Variants in SGCG observed in about 807,000 individuals in gnomAD.
The protein encoded by SGCG is sarcoglycan gamma.
In SGCG, 26 loss-of-function variants were observed where a neutral mutation model predicts 29.3. That is an observed-to-expected ratio of 0.89 (90% CI 0.65 to 1.23). The LOEUF (loss-of-function observed/expected upper bound fraction) is 1.23, where lower values mean the gene tolerates loss of function less well. SGCG is among the 50% of genes most tolerant of loss of function. The pLI is 0.00. For missense variants in SGCG, 353 were observed against 356.0 expected (o/e 0.99, Z 0.07); for synonymous variants, 145 against 129.7 (o/e 1.12, Z -0.80).
chr13:23,250,501 T>G, intron 3 of SGCG, 129 bp from the exon 4 acceptor site: 1 of 651,216 alleles, frequency 1.5e-6, no homozygotes, highest in Admixed American at 2.4e-5. Flanking sequence ...AGCCACAAAT[T>G]TATAGGATTT....
rs909547644 is a variant in SGCG, at chr13:23,295,524, G to A, written c.578+37G>A. On this transcript the variant is annotated intron_variant, in intron 6 of 7. Coordinates refer to ENST00000218867, the MANE Select transcript of SGCG (RefSeq NM_000231.3). The stretch of plus-strand genomic sequence containing the variant: ...TGTTCAAATATTAACAACCTCTCCT[G>A]TAGAAGACAAGAGGGTATGTGCTGG... 5 of 1,390,656 alleles carry A rather than the reference G, an allele frequency of 3.6e-6. No individual in the cohort carries two copies. In the African/African-American group the frequency reaches 4.3e-5, roughly 12 times the overall value. The allele number at this position is 1,390,656 out of a possible 1,614,324, so 86.1% of individuals were successfully genotyped here.
intron 5 of SGCG, among the ~76,000 whole-genome samples, chr13:23,286,624 A>G (rs1881507108): frequency 6.6e-6 from 1 of 152,204 alleles, no homozygotes; most frequent in Admixed American, 6.5e-5. Flanking sequence ...ATACATACAT[A>G]CTGTGATAAA....
At chr13:23,229,306 A>G (rs1879019956) in intron 2 of SGCG, among the ~76,000 whole-genome samples, 1 of 152,208 alleles carries the variant, frequency 6.6e-6, no homozygotes, top group African/African-American at 2.4e-5. Context: ...TTCTTTGGGT[A>G]TATATCCAGT....
At position 23,250,215 on chromosome 13, in the gene SGCG, TA is replaced by T. The variant is rs570859371; in HGVS notation, c.298-410del. Among the ~76,000 whole-genome samples, 9 of 152,308 alleles carry T rather than the reference TA, an allele frequency of 5.9e-5. No homozygotes were observed. The East Asian group carries it at 1.7e-3, about 29-fold the overall frequency. ...TTGATAAAGTTTACTTTACACATTATAAAAACACAAATGTATTACAAAAATA... is the reference window on the plus strand; with the variant it reads ...TTGATAAAGTTTACTTTACACATTATAAAACACAAATGTATTACAAAAATA... On this transcript the variant is annotated intron_variant, in intron 3 of 7. Transcript: ENST00000218867.
chr13:23,190,491 G>A (rs535631524), intron 1 of SGCG, among the ~76,000 whole-genome samples: 32 of 152,224 alleles, frequency 2.1e-4, no homozygotes, highest in African/African-American at 7.0e-4. Flanking sequence ...GAGCTTTGGG[G>A]ATAAATTTTA....
At chr13:23,281,293 T>C (rs1307238447) in intron 5 of SGCG, among the ~76,000 whole-genome samples, 1 of 151,778 alleles carries the variant, frequency 6.6e-6, no homozygotes, top group African/African-American at 2.4e-5. Flanking sequence ...TGAGCAGAGA[T>C]TGAGCCACTG....
At chr13:23,257,224 C>T (rs1880226744) in intron 4 of SGCG, among the ~76,000 whole-genome samples, 1 of 151,588 alleles carries the variant, frequency 6.6e-6, no homozygotes, top group African/African-American at 2.4e-5. Context: ...TTTTGATTCG[C>T]TTCTTATAAA....
intron 2 of SGCG, 112 bp downstream of exon 2, chr13:23,204,001 G>C: frequency 1.2e-6 from 1 of 838,974 alleles, no homozygotes; most frequent in Non-Finnish European, 2.0e-6. Context: ...TTTCTTTGCT[G>C]TCTGGCTCTG....
Position 23,311,166 on chromosome 13 carries a change from C to T in SGCG, c.579-9471C>T, listed in dbSNP as rs760847043. ...TATCTAGGCTGACAATAATTTTACACGAGTATTTTAAAATATATTACTCAT... is the reference window on the plus strand; with the variant it reads ...TATCTAGGCTGACAATAATTTTACATGAGTATTTTAAAATATATTACTCAT... On this transcript the variant is annotated intron_variant, in intron 6 of 7. Coordinates refer to ENST00000218867, the MANE Select transcript of SGCG (RefSeq NM_000231.3). 1.7e-4 allele frequency among the ~76,000 whole-genome samples: 26 copies of T among 152,278 alleles called. 1 individual carries two copies. Among genetic ancestry groups the T allele is most frequent in the South Asian group, 4.1e-4 (2 of 4,830 alleles).
intron 3 of SGCG, among the ~76,000 whole-genome samples, chr13:23,238,976 G>C (rs1357097725): frequency 2.0e-5 from 3 of 152,054 alleles, no homozygotes; most frequent in Non-Finnish European, 4.4e-5. Flanking sequence ...TAACTAGAGG[G>C]ACAATGTCAA....
At chr13:23,166,838 G>A in the SGCG span, among the ~76,000 whole-genome samples, 1 of 152,254 alleles carries the variant, frequency 6.6e-6, no homozygotes, top group South Asian at 2.1e-4. Context: ...TTTGATACAG[G>A]CATGCCATGT....
intron 2 of SGCG, among the ~76,000 whole-genome samples, chr13:23,230,697 G>A (rs912687585): frequency 1.3e-5 from 2 of 152,134 alleles, no homozygotes; most frequent in African/African-American, 2.4e-5. Flanking sequence ...GAGACTATGG[G>A]TTATTCTCAA....
chr13:23,313,623 C>T (rs1454109640), intron 6 of SGCG, among the ~76,000 whole-genome samples: 3 of 152,172 alleles, frequency 2.0e-5, no homozygotes, highest in Non-Finnish European at 4.4e-5. Flanking sequence ...AAAAGGAGCA[C>T]AACTTAAAAC....
Position 23,314,382 on chromosome 13 carries a change from T to TTTTATA in SGCG, c.579-6254_579-6253insTTATAT, listed in dbSNP as rs1240016735. Among the ~76,000 whole-genome samples, 369 of 78,588 alleles carry TTTTATA rather than the reference T, an allele frequency of 4.7e-3. 16 individuals are homozygous for TTTTATA. Among genetic ancestry groups the TTTTATA allele is most frequent in the East Asian group, 0.032 (48 of 1,504 alleles). The allele number at this position is 78,588 out of a possible 152,430, so 51.6% of individuals were successfully genotyped here. On this transcript the variant is annotated intron_variant, in intron 6 of 7. Coordinates refer to ENST00000218867, the MANE Select transcript of SGCG (RefSeq NM_000231.3). ...TAAATGAAATGATGTCTGCTATAGGTTATATATATATATATATATATATAT... is the reference window on the plus strand; with the variant it reads ...TAAATGAAATGATGTCTGCTATAGGTTTTATATATATATATATATATATATATATAT...
intron 1 of SGCG, 89 bp from the exon 2 acceptor site, chr13:23,203,606 G>T (rs1285466506): frequency 1.8e-4 from 162 of 881,056 alleles, no homozygotes; most frequent in East Asian, 3.2e-4. Flanking sequence ...ATGTTTTCAG[G>T]CTCATAGTAA....
At chr13:23,308,325 G>C (rs914483742) in intron 6 of SGCG, among the ~76,000 whole-genome samples, 1 of 152,166 alleles carries the variant, frequency 6.6e-6, no homozygotes, top group African/African-American at 2.4e-5. Flanking sequence ...TTTGCTTTCT[G>C]AGTGGGAATA....
intron 2 of SGCG, among the ~76,000 whole-genome samples, chr13:23,229,304 G>C (rs1879019863): frequency 6.6e-6 from 1 of 152,148 alleles, no homozygotes; most frequent in Non-Finnish European, 1.5e-5. Flanking sequence ...TATTCTTTGG[G>C]TATATATCCA....
intron 4 of SGCG, among the ~76,000 whole-genome samples, chr13:23,276,577 C>T (rs9580588): frequency 8.6e-5 from 13 of 152,026 alleles, no homozygotes; most frequent in Middle Eastern, 3.4e-3. Flanking sequence ...GGACTACAGG[C>T]GCACGCCGCC....
At chr13:23,274,395 C>CTTTTTTTTTTTTTTTTTTTT (rs869153381) in intron 4 of SGCG, among the ~76,000 whole-genome samples, 1 of 85,250 alleles carries the variant, frequency 1.2e-5, no homozygotes, top group Admixed American at 1.6e-4. Flanking sequence ...CTTTCTTTCT[C>CTTTTTTTTTTTTTTTTTTTT]TTTTTTTTTT....
Sources: allele counts gnomAD v4.1 joint callset (sites outside exome capture counted in the v4.1 genomes callset), GRCh38; gene constraint gnomAD v4.1.1; transcripts MANE v1.5; gene names NCBI Gene and HGNC (gene_info 2026-07-23, HGNC 2026-07-21).